Variants in ACAT1 observed in about 807,000 individuals in gnomAD.
ACAT1 encodes acetyl-CoA acetyltransferase 1.
In ACAT1, 28 loss-of-function variants were observed where a neutral mutation model predicts 47.3. The ratio of observed to expected loss-of-function variants is 0.59; its 90% CI spans 0.44 to 0.81. ACAT1 has a LOEUF of 0.81. ACAT1 is among the 30% of genes least tolerant of loss of function. ACAT1 has a pLI of 0.00. For missense variants in ACAT1, 469 were observed against 524.3 expected, an observed-to-expected ratio of 0.89 and a Z score of 1.03; for synonymous variants, 181 against 173.6, an observed-to-expected ratio of 1.04 and a Z score of -0.34.
chr11:108,138,802 A>ATG, intron 5 of ACAT1, 96 bp from the exon 6 acceptor site: 1 of 1,343,866 alleles, frequency 7.4e-7, no homozygotes, highest in Non-Finnish European at 1.1e-6. Flanking sequence ...TAATAAATGC[A>ATG]TGTAGAATAC....
At chr11:108,134,837 C>G (rs2077435426) in intron 4 of ACAT1, among the ~76,000 whole-genome samples, 1 of 145,728 alleles carries the variant, frequency 6.9e-6, no homozygotes, top group Non-Finnish European at 1.5e-5. Context: ...CCCAGCTACT[C>G]CGGAGGCTGA....
intron 6 of ACAT1, 191 bp downstream of exon 6, chr11:108,139,232 C>T: frequency 1.5e-6 from 1 of 688,474 alleles, no homozygotes; most frequent in Non-Finnish European, 2.4e-6. Flanking sequence ...AATTTTCCCA[C>T]ATTTAAATAG....
intron 1 of ACAT1, chr11:108,128,000 C>G (rs2077284778): frequency 6.6e-6 from 1 of 151,604 alleles, no homozygotes; most frequent in East Asian, 1.9e-4. Flanking sequence ...GAGACTCTGT[C>G]TCTACAAAAC....
At chr11:108,133,241 T>C (rs2077397828) in intron 2 of ACAT1, among the ~76,000 whole-genome samples, 1 of 152,144 alleles carries the variant, frequency 6.6e-6, no homozygotes, top group Non-Finnish European at 1.5e-5. Flanking sequence ...TAAGTGGTAT[T>C]GCCCCACCTA....
At chr11:108,121,289 G>C (rs376263677), upstream of ACAT1, 14 of 488,798 alleles carry the variant, frequency 2.9e-5, no homozygotes, top group African/African-American at 2.2e-4. Flanking sequence ...GAAAAATCTC[G>C]GATTACACAT....
chr11:108,146,460 T>TCCTA (rs2077712036), intron 11 of ACAT1, 101 bp downstream of exon 11: 1 of 1,395,514 alleles, frequency 7.2e-7, no homozygotes, highest in African/African-American at 1.4e-5. Context: ...AAGTTTTCCT[T>TCCTA]CCTACCCATC....
chr11:108,121,775 C>T, intron 1 of ACAT1, 97 bp downstream of exon 1: 2 of 1,404,648 alleles, frequency 1.4e-6, no homozygotes, highest in Non-Finnish European at 9.7e-7. Context: ...TCCCGCGGCC[C>T]GGGCGCGCGG....
intron 1 of ACAT1, chr11:108,127,784 G>A (rs1426322474): frequency 6.6e-6 from 1 of 152,240 alleles, no homozygotes; most frequent in Admixed American, 6.5e-5. Flanking sequence ...TTTCTGCAGT[G>A]GATTATACAT....
At chr11:108,135,790 T>C (rs1039537966) in intron 5 of ACAT1, among the ~76,000 whole-genome samples, 6 of 151,816 alleles carry the variant, frequency 4.0e-5, no homozygotes, top group Non-Finnish European at 8.8e-5. Flanking sequence ...ATTGTACCAC[T>C]GCACTCCAAC....
At chr11:108,136,180 G>A in intron 5 of ACAT1, 1 of 570,616 alleles carries the variant, frequency 1.8e-6, no homozygotes, top group East Asian at 3.0e-5. Context: ...TCATTTTTCA[G>A]ATGAAGATTT....
At chr11:108,117,534 C>A (rs954699420), upstream of ACAT1, among the ~76,000 whole-genome samples, 1 of 152,040 alleles carries the variant, frequency 6.6e-6, no homozygotes, top group Non-Finnish European at 1.5e-5. Context: ...GTCTGGAACT[C>A]CTGACCTCAG....
intron 5 of ACAT1, among the ~76,000 whole-genome samples, chr11:108,138,011 C>CA (rs1407241567): frequency 1.3e-5 from 2 of 151,742 alleles, no homozygotes; most frequent in East Asian, 3.9e-4. Flanking sequence ...TTTTTAAAGA[C>CA]AGAGTCTTGC....
intron 11 of ACAT1, among the ~76,000 whole-genome samples, chr11:108,146,737 TTCCATTATACTCTACTCTTCTA>T (rs1279068550): frequency 1.3e-5 from 2 of 152,212 alleles, no homozygotes; most frequent in Admixed American, 1.3e-4. Flanking sequence ...CACATCCCTC[TTCCATTATACTCTACTCTTCTA>T]TCCATTATAC....
At chr11:108,139,174 G>A in intron 6 of ACAT1, 133 bp downstream of exon 6, 1 of 1,221,168 alleles carries the variant, frequency 8.2e-7, no homozygotes, top group African/African-American at 1.5e-5. Context: ...TACTTTTGGA[G>A]AATATTTTTG....
chr11:108,134,342 A>C (rs201335582), intron 4 of ACAT1, 26 bp downstream of exon 4: 84 of 1,585,846 alleles, frequency 5.3e-5, no homozygotes, highest in Non-Finnish European at 6.8e-5. Context: ...TTTTGCTTTT[A>C]TACTTAAAAT....
At chr11:108,139,192 A>G in intron 6 of ACAT1, 151 bp downstream of exon 6, 1 of 993,490 alleles carries the variant, frequency 1.0e-6, no homozygotes, top group Non-Finnish European at 1.5e-6. Flanking sequence ...TTGTATGCCT[A>G]TTGCATCGGC....
intron 2 of ACAT1, among the ~76,000 whole-genome samples, chr11:108,132,853 C>CAAAAAA (rs57501370): frequency 3.6e-3 from 174 of 47,888 alleles, no homozygotes; most frequent in Non-Finnish European, 4.6e-3. Flanking sequence ...AACTCCATCT[C>CAAAAAA]AAAAAAAAAA....
At position 108,134,306 on chromosome 11, in the gene ACAT1, A is replaced by G. The variant is rs943306154; in HGVS notation, c.324A>G (p.Val108=). The change falls in exon 4 of 12, where the codon GTA becomes GTG. Residue 108 remains valine, a synonymous_variant. Coordinates refer to ENST00000265838, the MANE Select transcript of ACAT1 (RefSeq NM_000019.4). ...GEGQAPTRQA[V]LGAGLPISTP... is the part of the protein sequence containing the mutation. Reference sequence around the variant, plus strand: ...GACAAGCTCCTACAAGGCAGGCAGTATTGGGTGCAGGTACCTGGAAGACTT... The same window carrying G: ...GACAAGCTCCTACAAGGCAGGCAGTGTTGGGTGCAGGTACCTGGAAGACTT... The G allele has an allele frequency of 6.2e-7, 1 of 1,613,126 alleles. No homozygotes were observed. The highest frequency in any genetic ancestry group is 1.1e-5 in the South Asian group (1 of 91,074).
intron 10 of ACAT1, chr11:108,145,991 G>A (rs2077699294): frequency 2.2e-6 from 1 of 460,250 alleles, no homozygotes; most frequent in Non-Finnish European, 4.0e-6. Flanking sequence ...AGGTTATAGT[G>A]AGCCAAGATG....
Sources: allele counts gnomAD v4.1 joint callset (sites outside exome capture counted in the v4.1 genomes callset), GRCh38; gene constraint gnomAD v4.1.1; transcripts MANE v1.5; gene names NCBI Gene and HGNC (gene_info 2026-07-23, HGNC 2026-07-21).